The following PATL2 variants were observed in gnomAD, a reference collection of about 807,000 sequenced individuals.
The protein encoded by PATL2 is protein PAT1 homolog 2.
PATL2 carries 73 observed loss-of-function variants against 77.0 expected under a neutral mutation model. That is an observed-to-expected ratio of 0.95 (90% CI 0.78 to 1.15). The LOEUF (loss-of-function observed/expected upper bound fraction) is 1.15. Ranked by LOEUF, PATL2 falls within the 50% of genes most tolerant of loss-of-function variation. PATL2 has a pLI of 0.00. For synonymous variants in PATL2, 265 were observed against 257.1 expected (o/e 1.03, Z -0.29); for missense variants, 618 against 655.4 (o/e 0.94, Z 0.62).
intron 3 of PATL2, among the ~76,000 whole-genome samples, chr15:44,681,009 A>G (rs1195785931): frequency 6.6e-6 from 1 of 152,122 alleles, no homozygotes; most frequent in Non-Finnish European, 1.5e-5. Flanking sequence ...TTTTCTCAAT[A>G]CCATTACCAG....
intron 3 of PATL2, among the ~76,000 whole-genome samples, chr15:44,702,741 T>G (rs1482268552): frequency 3.3e-5 from 5 of 151,926 alleles, no homozygotes; most frequent in Non-Finnish European, 7.4e-5. Flanking sequence ...TTAATTTCTT[T>G]GTTGACCCAC....
intron 3 of PATL2, among the ~76,000 whole-genome samples, chr15:44,687,956 C>T (rs371705765): frequency 5.3e-5 from 8 of 152,122 alleles, no homozygotes; most frequent in South Asian, 2.1e-4. Flanking sequence ...GAATCAATAT[C>T]GTGAAAATGG....
At position 44,699,381 on chromosome 15, in the gene PATL2, T is replaced by C. The variant is rs555959620; in HGVS notation, c.-76+10715A>G. The stretch of plus-strand genomic sequence containing the variant: ...CTTTATGAGACAGGGTCTCACTGTG[T>C]CACCCAGGCTAGAGTGCAGTGGTCT... On this transcript the variant is annotated intron_variant, in intron 3 of 17. Coordinates refer to ENST00000682850, the MANE Select transcript of PATL2 (RefSeq NM_001387263.1). Among the ~76,000 whole-genome samples, 4 of 152,334 alleles carry C rather than the reference T, an allele frequency of 2.6e-5. No homozygotes were observed. The East Asian group carries it at 7.7e-4, about 29-fold the overall frequency.
intron 3 of PATL2, among the ~76,000 whole-genome samples, chr15:44,680,671 T>C (rs1418621076): frequency 6.6e-6 from 1 of 152,214 alleles, no homozygotes; most frequent in South Asian, 2.1e-4. Flanking sequence ...ATCCCTGTCT[T>C]GTTTTTGTTT....
chr15:44,685,390 C>T (rs1316187356), intron 3 of PATL2, among the ~76,000 whole-genome samples: 8 of 152,148 alleles, frequency 5.3e-5, no homozygotes, highest in African/African-American at 1.9e-4. Flanking sequence ...GGGTGGATCA[C>T]GAGGTCAAGA....
intron 3 of PATL2, among the ~76,000 whole-genome samples, chr15:44,709,294 T>C (rs1314428706): frequency 6.6e-6 from 1 of 152,166 alleles, no homozygotes; most frequent in East Asian, 1.9e-4. Flanking sequence ...TGAATAAATG[T>C]TCATTGTAAA....
intron 5 of PATL2, 158 bp downstream of exon 5, chr15:44,675,328 G>A (rs756591329): frequency 2.4e-5 from 19 of 780,232 alleles, no homozygotes; most frequent in Non-Finnish European, 3.4e-5. Context: ...AAGAGGGAAG[G>A]AGAGAGTCCC....
At chr15:44,696,432 G>C (rs1238970630) in intron 3 of PATL2, among the ~76,000 whole-genome samples, 1 of 152,166 alleles carries the variant, frequency 6.6e-6, no homozygotes, top group Non-Finnish European at 1.5e-5. Flanking sequence ...GGTTATTACT[G>C]GGAGAGGATT....
At position 44,675,523 on chromosome 15, in the gene PATL2, C is replaced by G; in HGVS notation, c.185G>C (p.Gly62Ala). ...PDLEEEENDL[G>A]DPAVLGAVHN... ...GACAGCACCAAGTACAGCTGGATCC[C>G]CAAGATCATTCTCTTCCTCCTCTAG... Residue 62 changes from glycine to alanine, a missense_variant, in exon 5 of 18, where the codon GGG (glycine) becomes GCG (alanine). Transcript: ENST00000682850. 6.4e-7 allele frequency: 1 copy of G among 1,551,762 alleles called. No homozygotes were observed. The highest frequency in any genetic ancestry group is 8.7e-7 in the Non-Finnish European group (1 of 1,147,010).
chr15:44,667,615 A>G (rs1385157272), intron 15 of PATL2, among the ~76,000 whole-genome samples: 1 of 152,192 alleles, frequency 6.6e-6, no homozygotes, highest in Admixed American at 6.5e-5. Context: ...TTTCACATCT[A>G]GAGTCTCATT....
At chr15:44,690,189 CA>C (rs1329487192) in intron 3 of PATL2, among the ~76,000 whole-genome samples, 2 of 151,396 alleles carry the variant, frequency 1.3e-5, no homozygotes, top group East Asian at 3.9e-4. Context: ...AACTCCGTCT[CA>C]AAAAAAAGTG....
intron 3 of PATL2, among the ~76,000 whole-genome samples, chr15:44,678,085 C>CA (rs1213427546): frequency 1.3e-5 from 2 of 152,158 alleles, no homozygotes; most frequent in Non-Finnish European, 2.9e-5. Context: ...CTCCTGACCT[C>CA]AAGTAATCCA....
rs1247780353 is a variant in PATL2 at position 44,674,212 on chromosome 15, G to T, written c.241C>A (p.Pro81Thr). ...AGCATACCAGGGGCCTTGACTCCAGGGGAGCTAAGCAGAGCTCTCTGGAAC... is the reference window on the plus strand; with the variant it reads ...AGCATACCAGGGGCCTTGACTCCAGTGGAGCTAAGCAGAGCTCTCTGGAAC... ...HNTQRALLSS[P>T]GVKAPGMLGM... Residue 81 changes from proline (P) to threonine (T), a missense_variant, in exon 6 of 18, where the codon CCT (proline) becomes ACT (threonine). Coordinates refer to ENST00000682850, the MANE Select transcript of PATL2 (RefSeq NM_001387263.1). The T allele has an allele frequency of 6.5e-7, 1 of 1,550,016 alleles. No individual in the cohort carries two copies. The highest frequency in any genetic ancestry group is 8.7e-7 in the Non-Finnish European group (1 of 1,145,626).
chr15:44,709,555 T>C lies in PATL2; in HGVS notation c.-76+541A>G, dbSNP rs147974607. Among the ~76,000 whole-genome samples the C allele has an allele frequency of 4.3e-3, 660 of 152,206 alleles. 4 individuals are homozygous for C. The highest frequency in any genetic ancestry group is 0.015 in the African/African-American group (639 of 41,526). ...AAATTAAAAAAAAAAGAAATTGTCA[T>C]GTTTGTAGACTTCCCAAATTTGCCA... is the stretch of plus-strand genomic sequence containing the variant. On this transcript the variant is annotated intron_variant, in intron 3 of 17. Coordinates refer to ENST00000682850, the MANE Select transcript of PATL2 (RefSeq NM_001387263.1).
At chr15:44,672,908 C>T (rs773377048) in intron 7 of PATL2, among the ~76,000 whole-genome samples, 5 of 152,058 alleles carry the variant, frequency 3.3e-5, no homozygotes, top group African/African-American at 9.7e-5. Flanking sequence ...TACAGGCGCT[C>T]GCCACCACGC....
At chr15:44,689,886 T>G (rs1000154977) in intron 3 of PATL2, among the ~76,000 whole-genome samples, 1 of 152,042 alleles carries the variant, frequency 6.6e-6, no homozygotes, top group East Asian at 1.9e-4. Context: ...TCAAAAATAC[T>G]AAAAGAAAAT....
chr15:44,680,662 T>A, intron 3 of PATL2, among the ~76,000 whole-genome samples: 1 of 152,198 alleles, frequency 6.6e-6, no homozygotes, highest in African/African-American at 2.4e-5. Flanking sequence ...TGGAGACAAA[T>A]CCCTGTCTTG....
At position 44,665,905 on chromosome 15, in the gene PATL2, T is replaced by G; in HGVS notation, c.*48A>C. 3 of 1,550,594 alleles carry G rather than the reference T, an allele frequency of 1.9e-6. No individual in the cohort carries two copies. Among genetic ancestry groups the G allele is most frequent in the Non-Finnish European group, 2.6e-6 (3 of 1,146,484 alleles). ...CTGTAAACATAGTCTATGTAGCTAG[T>G]GTCTGATGATTCAACTTCCCACATA... On this transcript the variant is annotated 3_prime_UTR_variant, in exon 18 of 18. Transcript: ENST00000682850.
At chr15:44,705,678 T>C (rs1399635789) in intron 3 of PATL2, among the ~76,000 whole-genome samples, 3 of 152,330 alleles carry the variant, frequency 2.0e-5, no homozygotes, top group South Asian at 2.1e-4. Context: ...TGTATGTCAG[T>C]ATCATTTTTC....
Sources: gnomAD v4.1 joint callset for allele counts (sites outside exome capture counted in the v4.1 genomes callset) on GRCh38, gnomAD v4.1.1 for gene constraint, MANE v1.5 for transcripts, NCBI Gene and HGNC (gene_info 2026-07-23, HGNC 2026-07-21) for gene names.